The following ITGAM variants were observed in gnomAD, a reference collection of about 807,000 sequenced individuals.
The protein encoded by ITGAM is integrin subunit alpha M.
ITGAM carries 79 observed loss-of-function variants against 137.5 expected under a neutral mutation model. That is an observed-to-expected ratio of 0.57 (90% CI 0.48 to 0.69). The LOEUF is 0.69. ITGAM is among the 30% of genes least tolerant of loss of function. The pLI is 0.00. For missense variants in ITGAM, 1,343 were observed against 1,483.5 expected (o/e 0.91, Z 1.56); for synonymous variants, 583 against 592.3 (o/e 0.98, Z 0.23).
chr16:31,330,876 GAC>G (rs2080572722), intron 28 of ITGAM, among the ~76,000 whole-genome samples: 1 of 150,946 alleles, frequency 6.6e-6, no homozygotes, highest in Admixed American at 6.6e-5. Flanking sequence ...GATGGAGATA[GAC>G]AGAGAGATAG....
intron 5 of ITGAM, among the ~76,000 whole-genome samples, chr16:31,270,320 TC>T (rs931634616): frequency 5.9e-5 from 9 of 151,516 alleles, no homozygotes; most frequent in African/African-American, 2.2e-4. Flanking sequence ...CAGGCTGGTC[TC>T]AAACTCCTGA....
chr16:31,281,689 T>A (rs1222568286), intron 12 of ITGAM, among the ~76,000 whole-genome samples: 2 of 152,224 alleles, frequency 1.3e-5, no homozygotes, highest in Non-Finnish European at 2.9e-5. Context: ...TTCATTGATT[T>A]TTTGAAGGGT....
intron 12 of ITGAM, among the ~76,000 whole-genome samples, chr16:31,281,158 G>T (rs1285887317): frequency 1.3e-5 from 2 of 152,156 alleles, no homozygotes; most frequent in African/African-American, 2.4e-5. Context: ...ATGTTCATCA[G>T]GGATATTGGT....
chr16:31,315,276 T>C (rs1023199008), intron 14 of ITGAM, among the ~76,000 whole-genome samples: 6 of 152,140 alleles, frequency 3.9e-5, no homozygotes, highest in African/African-American at 9.7e-5. Context: ...TGCAGAAGCT[T>C]TTTAGTTTGA....
chr16:31,266,203 C>A, intron 5 of ITGAM, 56 bp downstream of exon 5: 1 of 1,258,896 alleles, frequency 7.9e-7, no homozygotes, highest in South Asian at 1.2e-5. Flanking sequence ...GGGGAGGGGG[C>A]AGGACTGAGG....
At position 31,265,935 on chromosome 16, in the gene ITGAM, G is replaced by A. The variant is rs933203153; in HGVS notation, c.309+54G>A. The A allele has an allele frequency of 2.1e-5, 34 of 1,592,710 alleles. 1 individual carries two copies. The highest frequency in any genetic ancestry group is 2.0e-4 in the East Asian group (9 of 44,780). On this transcript the variant is annotated intron_variant, in intron 4 of 29. Transcript: ENST00000544665. ...CTAATGGGGGTGTTTGGGGGCCCACGCATGGTGGGGCTGGGGGTCTTGTGG... is the reference window on the plus strand; with the variant it reads ...CTAATGGGGGTGTTTGGGGGCCCACACATGGTGGGGCTGGGGGTCTTGTGG...
intron 14 of ITGAM, among the ~76,000 whole-genome samples, chr16:31,309,504 G>T (rs1597021735): frequency 6.7e-6 from 1 of 149,100 alleles, no homozygotes; most frequent in African/African-American, 2.5e-5. Flanking sequence ...CCATTTGCTT[G>T]GTAGATCTTC....
At chr16:31,302,454 C>CTTTCTTTCTTTCTTTCTTTCTTTCTTT (rs1567268010) in intron 14 of ITGAM, among the ~76,000 whole-genome samples, 5 of 91,938 alleles carry the variant, frequency 5.4e-5, no homozygotes, top group African/African-American at 2.7e-4. Context: ...TTTCTTTCTT[C>CTTTCTTTCTTTCTTTCTTTCTTTCTTT]CTTCCTTTCT....
At chr16:31,305,437 A>G (rs2080255246) in intron 14 of ITGAM, among the ~76,000 whole-genome samples, 1 of 151,766 alleles carries the variant, frequency 6.6e-6, no homozygotes, top group Non-Finnish European at 1.5e-5. Flanking sequence ...TCCAATTTGG[A>G]CCCCTTTATT....
At chr16:31,266,862 A>T (rs2079774821) in intron 5 of ITGAM, among the ~76,000 whole-genome samples, 1 of 145,110 alleles carries the variant, frequency 6.9e-6, no homozygotes, top group South Asian at 2.3e-4. Flanking sequence ...GACTGTATGG[A>T]TTTTTTTTTT....
rs143551358 is a variant in ITGAM, at chr16:31,270,217, G to A, written c.428-737G>A. On this transcript the variant is annotated intron_variant, in intron 5 of 29. Transcript: ENST00000544665. ...TTTTCTTCCTTTCTTCCTTTTCTTCGAAGTCTTGCTCTGTGACCCAGGCTG... is the reference window on the plus strand; with the variant it reads ...TTTTCTTCCTTTCTTCCTTTTCTTCAAAGTCTTGCTCTGTGACCCAGGCTG... Among the ~76,000 whole-genome samples, 956 of 111,124 alleles carry A rather than the reference G, an allele frequency of 8.6e-3. 9 individuals are homozygous for A. Among genetic ancestry groups the A allele is most frequent in the African/African-American group, 0.034 (890 of 26,566 alleles). 72.9% of individuals were successfully genotyped at this position (111,124 alleles called of 152,430 possible). A position where few individuals can be genotyped will look rare whatever the true frequency, so the allele number is the denominator to read the frequency against.
intron 8 of ITGAM, among the ~76,000 whole-genome samples, chr16:31,275,009 G>A (rs2079891189): frequency 6.6e-6 from 1 of 152,170 alleles, no homozygotes; most frequent in South Asian, 2.1e-4. Context: ...GATGGAGTCA[G>A]TTATGTCAAG....
chr16:31,276,775 G>C, intron 10 of ITGAM, 31 bp downstream of exon 10: 5 of 1,589,420 alleles, frequency 3.1e-6, no homozygotes, highest in Non-Finnish European at 4.3e-6. Flanking sequence ...TTGCGGGGGT[G>C]GGGCAGGGGG....
intron 14 of ITGAM, among the ~76,000 whole-genome samples, chr16:31,316,752 T>A (rs763241009): frequency 6.6e-6 from 1 of 152,226 alleles, no homozygotes; most frequent in Admixed American, 6.5e-5. Context: ...ATGGGATATC[T>A]TTCCATTGAT....
intron 28 of ITGAM, 111 bp downstream of exon 28, chr16:31,330,716 C>A: frequency 2.7e-6 from 2 of 747,626 alleles, no homozygotes; most frequent in Non-Finnish European, 2.1e-6. Context: ...AGAGACAGAG[C>A]GACAGAGAGA....
At chr16:31,281,484 T>A (rs937436204) in intron 12 of ITGAM, among the ~76,000 whole-genome samples, 7 of 152,124 alleles carry the variant, frequency 4.6e-5, no homozygotes, top group Non-Finnish European at 1.0e-4. Context: ...CCATTTCTTC[T>A]AGATTTTCTA....
Position 31,324,327 on chromosome 16 carries a change from TG to T in ITGAM, c.2003-69del. On this transcript the variant is annotated intron_variant, in intron 16 of 29. Coordinates refer to ENST00000544665, the MANE Select transcript of ITGAM (RefSeq NM_000632.4). This position sits in a 1 kb window ranked among gnomAD's most constrained non-coding sequence, Gnocchi z 4.5. ...TCACACAGCTGAGAAGCAGAGGAGCTGGGCCTTGAACTCCCATCTGCCGGGT... is the reference window on the plus strand; with the variant it reads ...TCACACAGCTGAGAAGCAGAGGAGCTGGCCTTGAACTCCCATCTGCCGGGT... 1.5e-6 allele frequency: 2 copies of T among 1,313,050 alleles called. No homozygotes were observed. The highest frequency in any genetic ancestry group is 2.1e-6 in the Non-Finnish European group (2 of 935,418). 81.3% of individuals were successfully genotyped at this position (1,313,050 alleles called of 1,614,324 possible).
chr16:31,267,500 C>T (rs1430216101), intron 5 of ITGAM, among the ~76,000 whole-genome samples: 1 of 152,142 alleles, frequency 6.6e-6, no homozygotes, highest in Non-Finnish European at 1.5e-5. Context: ...CGCACTTTCT[C>T]CTTTTTCTCA....
chr16:31,289,903 G>T (rs2080069412), intron 12 of ITGAM, among the ~76,000 whole-genome samples: 1 of 151,952 alleles, frequency 6.6e-6, no homozygotes, highest in Non-Finnish European at 1.5e-5. Flanking sequence ...CCAACATGGA[G>T]AAACCCTGTC....
Sources: gnomAD v4.1 joint callset for allele counts (sites outside exome capture counted in the v4.1 genomes callset) on GRCh38, gnomAD v4.1.1 for gene constraint, Gnocchi (gnomAD v3.1) non-coding constraint, MANE v1.5 for transcripts, NCBI Gene and HGNC (gene_info 2026-07-23, HGNC 2026-07-21) for gene names.